The following TECPR2 variants were observed in gnomAD, a reference collection of about 807,000 sequenced individuals.
TECPR2 encodes tectonin beta-propeller repeat containing 2.
A neutral mutation model predicts 138.1 loss-of-function variants in TECPR2; 65 were observed. The ratio of observed to expected loss-of-function variants is 0.47; its 90% CI spans 0.39 to 0.58. The LOEUF is 0.58. Ranked by LOEUF, TECPR2 falls within the 20% of genes least tolerant of loss-of-function variation. TECPR2 has a pLI of 0.00. For synonymous variants in TECPR2, 746 were observed against 749.8 expected (o/e 0.99, Z 0.08); for missense variants, 1,553 against 1,824.5 (o/e 0.85, Z 2.71).
intron 8 of TECPR2, 41 bp downstream of exon 8, chr14:102,432,169 T>C: frequency 6.9e-7 from 1 of 1,453,148 alleles, no homozygotes; most frequent in South Asian, 1.4e-5. Flanking sequence ...GGGGTTACAG[T>C]CTTTCCAGAT....
intron 2 of TECPR2, among the ~76,000 whole-genome samples, chr14:102,401,569 G>A (rs1343439301): frequency 1.3e-5 from 2 of 151,916 alleles, no homozygotes; most frequent in Admixed American, 1.3e-4. Flanking sequence ...GACAAGGTCA[G>A]GAGATCGAGA....
intron 1 of TECPR2, among the ~76,000 whole-genome samples, chr14:102,369,996 G>A (rs892575998): frequency 1.3e-5 from 2 of 151,634 alleles, no homozygotes; most frequent in Non-Finnish European, 2.9e-5. Flanking sequence ...CAAACCCTTG[G>A]GCTCAAGTGA....
chr14:102,448,287 T>A (rs1890042628), intron 13 of TECPR2, among the ~76,000 whole-genome samples: 1 of 152,140 alleles, frequency 6.6e-6, no homozygotes, highest in African/African-American at 2.4e-5. Flanking sequence ...GCCAGTGATG[T>A]TTTATGTAAT....
At position 102,415,436 on chromosome 14, in the gene TECPR2, C is replaced by T. The variant is rs2139703861; in HGVS notation, c.638+643C>T. 6.6e-6 allele frequency among the ~76,000 whole-genome samples: 1 copy of T among 152,178 alleles called. No individual in the cohort carries two copies. Among genetic ancestry groups the T allele is most frequent in the South Asian group, 2.1e-4 (1 of 4,820 alleles). On this transcript the variant is annotated intron_variant, in intron 5 of 19. Coordinates refer to ENST00000359520, the MANE Select transcript of TECPR2 (RefSeq NM_014844.5). The surrounding 1 kb of genome is among the most constrained non-coding windows in gnomAD (Gnocchi z 4.3). ...GACCAGTGATGTGGAGGAAGGGCAT[C>T]GAGAAGTCCACCAGCCATACCAGCC...
At chr14:102,438,284 T>G in intron 10 of TECPR2, 79 bp downstream of exon 10, 1 of 1,496,402 alleles carries the variant, frequency 6.7e-7, no homozygotes, top group Non-Finnish European at 8.9e-7. Context: ...TGCAGACATC[T>G]TAGTACAGGG....
At chr14:102,372,131 T>C (rs1887521856) in intron 1 of TECPR2, among the ~76,000 whole-genome samples, 1 of 152,146 alleles carries the variant, frequency 6.6e-6, no homozygotes, top group Non-Finnish European at 1.5e-5. Context: ...TTGTATTTTT[T>C]GCAGAGTCAG....
At chr14:102,465,040 A>G (rs940438915) in intron 16 of TECPR2, 101 bp from the exon 17 acceptor site, 8 of 1,444,668 alleles carry the variant, frequency 5.5e-6, no homozygotes, top group Non-Finnish European at 7.7e-6. Flanking sequence ...ATGCAGCCTC[A>G]TTTCTTTCTT....
rs755730988 is a variant in TECPR2, at chr14:102,497,638, G to A, written c.4000G>A (p.Ala1334Thr). Residue 1334 changes from alanine to threonine, a missense_variant, in exon 19 of 20, where the codon GCC (alanine) becomes ACC (threonine). Transcript: ENST00000359520. ...VWARCPNGDL[A>T]RRYGVTDKNP... ...GGCCCGCTGTCCAAACGGAGACCTC[G>A]CCCGGCGGTACGGCGTCACAGACAA... 5.6e-6 allele frequency: 9 copies of A among 1,609,480 alleles called. No individual in the cohort carries two copies. Among genetic ancestry groups the A allele is most frequent in the East Asian group, 2.2e-5 (1 of 44,706 alleles).
At chr14:102,433,607 G>A (rs1380299018) in intron 8 of TECPR2, among the ~76,000 whole-genome samples, 1 of 151,468 alleles carries the variant, frequency 6.6e-6, no homozygotes, top group Non-Finnish European at 1.5e-5. Context: ...TGCAACTTCC[G>A]CCTCCCAAGT....
At chr14:102,465,584 C>A in intron 17 of TECPR2, 1 of 1,085,284 alleles carries the variant, frequency 9.2e-7, no homozygotes, top group Non-Finnish European at 1.1e-6. Flanking sequence ...TTTTTTAAAT[C>A]TGCCTATATA....
At chr14:102,471,712 C>CTAATAATAATAA (rs574743029) in intron 17 of TECPR2, among the ~76,000 whole-genome samples, 4 of 151,608 alleles carry the variant, frequency 2.6e-5, no homozygotes, top group African/African-American at 9.7e-5. Flanking sequence ...GAGCACAACG[C>CTAATAATAATAA]TAATAATAAT....
Position 102,467,842 on chromosome 14 carries a change from CT to C in TECPR2, c.3789+2565del, listed in dbSNP as rs554307063. On this transcript the variant is annotated intron_variant, in intron 17 of 19. Transcript: ENST00000359520. The stretch of plus-strand genomic sequence containing the variant: ...TTCAAGAACTGTGTGTTCCTTTTTT[CT>C]TTTTTTTTTTTATGATGGAGTCTCA... Among the ~76,000 whole-genome samples, 1,112 of 143,598 alleles carry C rather than the reference CT, an allele frequency of 7.7e-3. 18 individuals carry two copies. Among genetic ancestry groups the C allele is most frequent in the African/African-American group, 0.024 (964 of 39,490 alleles). The allele number at this position is 143,598 out of a possible 152,430, so 94.2% of individuals were successfully genotyped here.
intron 16 of TECPR2, among the ~76,000 whole-genome samples, chr14:102,453,939 AGG>A (rs1321885687): frequency 6.6e-6 from 1 of 152,066 alleles, no homozygotes; most frequent in Admixed American, 6.5e-5. Flanking sequence ...ACCTGAGGTC[AGG>A]AGTTCAAGAC....
intron 1 of TECPR2, among the ~76,000 whole-genome samples, chr14:102,367,541 T>C (rs1887376742): frequency 1.3e-5 from 2 of 152,210 alleles, no homozygotes; most frequent in South Asian, 4.1e-4. Context: ...TCACTTAGCA[T>C]AATATTCTCA....
At chr14:102,417,360 C>T (rs1889053667) in intron 5 of TECPR2, among the ~76,000 whole-genome samples, 1 of 152,184 alleles carries the variant, frequency 6.6e-6, no homozygotes, top group Admixed American at 6.5e-5. Context: ...CACGTGGAGG[C>T]GTGACAGCAA....
At chr14:102,366,543 C>T (rs756524591) in intron 1 of TECPR2, among the ~76,000 whole-genome samples, 10 of 152,150 alleles carry the variant, frequency 6.6e-5, no homozygotes, top group Middle Eastern at 3.4e-3. Flanking sequence ...AGATGGGTTT[C>T]GCCATGTTGG....
At chr14:102,433,927 A>G (rs537139797) in intron 8 of TECPR2, among the ~76,000 whole-genome samples, 6 of 152,164 alleles carry the variant, frequency 3.9e-5, no homozygotes, top group Non-Finnish European at 8.8e-5. Context: ...TGCAACACTG[A>G]AGGAAATGTT....
At chr14:102,425,353 A>C in intron 6 of TECPR2, 62 bp downstream of exon 6, 2 of 1,505,844 alleles carry the variant, frequency 1.3e-6, no homozygotes, top group South Asian at 1.4e-5. Context: ...ATCTCTATAA[A>C]CTGTTCTACT....
intron 16 of TECPR2, among the ~76,000 whole-genome samples, chr14:102,462,650 C>A (rs1289938289): frequency 1.3e-5 from 2 of 152,176 alleles, no homozygotes; most frequent in Non-Finnish European, 2.9e-5. Flanking sequence ...GCGTCCTCCA[C>A]CTGCCCCTCT....
Sources: gnomAD v4.1 joint callset for allele counts (sites outside exome capture counted in the v4.1 genomes callset) on GRCh38, gnomAD v4.1.1 for gene constraint, Gnocchi (gnomAD v3.1) non-coding constraint, MANE v1.5 for transcripts, NCBI Gene and HGNC (gene_info 2026-07-23, HGNC 2026-07-21) for gene names.